AQP9: variants seen among roughly 807,000 people sequenced by gnomAD.
The protein encoded by AQP9 is aquaporin 9, also known as aquaporin-9.
In AQP9, 19 loss-of-function variants were observed where a neutral mutation model predicts 23.8. That is an observed-to-expected ratio of 0.80 (90% CI 0.56 to 1.17). The LOEUF is 1.17. Ranked by LOEUF, AQP9 falls within the 50% of genes most tolerant of loss-of-function variation. The pLI is 0.00. For synonymous variants in AQP9, 153 were observed against 131.5 expected, an observed-to-expected ratio of 1.16 and a Z score of -1.12; for missense variants, 413 against 362.0, an observed-to-expected ratio of 1.14 and a Z score of -1.14.
intron 1 of AQP9, among the ~76,000 whole-genome samples, chr15:58,145,969 G>C (rs1898037570): frequency 6.6e-6 from 1 of 152,104 alleles, no homozygotes; most frequent in Non-Finnish European, 1.5e-5. Context: ...CAATGCCTCT[G>C]TTATTGCTGT....
At chr15:58,154,261 G>T (rs1898203722) in intron 1 of AQP9, 1 of 152,066 alleles carries the variant, frequency 6.6e-6, no homozygotes, top group Non-Finnish European at 1.5e-5. Flanking sequence ...ATTTGATTAG[G>T]AAAGTCCATA....
Position 58,164,218 on chromosome 15 carries a change from C to T in AQP9, c.112-2455C>T, listed in dbSNP as rs576738301. On this transcript the variant is annotated intron_variant, in intron 1 of 5. Transcript: ENST00000219919. Reference sequence around the variant, plus strand: ...GAAGCCTCCACGGACCCACTTGAGCCATTTAAAGCTTTTATGTGCCCTCTA... The same window carrying T: ...GAAGCCTCCACGGACCCACTTGAGCTATTTAAAGCTTTTATGTGCCCTCTA... 3.9e-5 allele frequency: 6 copies of T among 152,248 alleles called. No homozygotes were observed. The South Asian group carries it at 1.2e-3, about 32-fold the overall frequency. The allele number at this position is 152,248 out of a possible 1,614,324, so 9.4% of individuals were successfully genotyped here. A position where few individuals can be genotyped will look rare whatever the true frequency, so the allele number is the denominator to read the frequency against.
chr15:58,172,866 G>A (rs1409405238), intron 2 of AQP9, among the ~76,000 whole-genome samples: 2 of 151,986 alleles, frequency 1.3e-5, no homozygotes, highest in Non-Finnish European at 2.9e-5. Context: ...TGTTATCCAA[G>A]GATGCCATGA....
intron 2 of AQP9, among the ~76,000 whole-genome samples, chr15:58,168,821 C>G (rs1595740094): frequency 6.6e-6 from 1 of 152,164 alleles, no homozygotes; most frequent in East Asian, 1.9e-4. Flanking sequence ...CTTAACTGCT[C>G]CCCCTATAAG....
rs1898820496 is a variant in AQP9, at chr15:58,179,064, A to AT, written c.496-60dup. ...TATTGTAAAATAGTAAGAAGGGATG[A>AT]TTTTGAGACATGCAGGTGAGCAGAA... On this transcript the variant is annotated intron_variant, in intron 4 of 5. Transcript: ENST00000219919. 2.0e-5 allele frequency: 24 copies of AT among 1,174,238 alleles called. No individual in the cohort carries two copies. In the South Asian group the frequency reaches 3.1e-4, roughly 15 times the overall value. 72.7% of individuals were successfully genotyped at this position (1,174,238 alleles called of 1,614,324 possible). A position where few individuals can be genotyped will look rare whatever the true frequency, so the allele number is the denominator to read the frequency against.
chr15:58,166,339 T>C (rs1898502155), intron 1 of AQP9, among the ~76,000 whole-genome samples: 1 of 152,212 alleles, frequency 6.6e-6, no homozygotes, highest in Admixed American at 6.5e-5. Context: ...TTTCTTACAA[T>C]ACATGTGGGT....
intron 1 of AQP9, among the ~76,000 whole-genome samples, chr15:58,143,105 G>A (rs1475760868): frequency 6.6e-6 from 1 of 152,206 alleles, no homozygotes; most frequent in African/African-American, 2.4e-5. Flanking sequence ...AACATCAGAG[G>A]ATGTCTACCG....
chr15:58,164,364 G>C (rs1471271872), intron 1 of AQP9, among the ~76,000 whole-genome samples: 4 of 152,176 alleles, frequency 2.6e-5, no homozygotes, highest in Admixed American at 2.6e-4. Flanking sequence ...GGTTGTCTAA[G>C]TCAAGTCATT....
intron 2 of AQP9, 41 bp from the exon 3 acceptor site, chr15:58,173,027 T>C: frequency 1.2e-6 from 2 of 1,612,410 alleles, no homozygotes; most frequent in South Asian, 1.1e-5. Flanking sequence ...TATATTCTTC[T>C]TCCTAACCTG....
intron 1 of AQP9, chr15:58,154,331 G>T (rs34326383): frequency 6.6e-6 from 1 of 151,862 alleles, no homozygotes; most frequent in South Asian, 2.1e-4. Flanking sequence ...GCCCCAAAAG[G>T]CCTAATGAAA....
intron 1 of AQP9, among the ~76,000 whole-genome samples, chr15:58,161,047 C>A (rs1033851446): frequency 6.6e-6 from 1 of 152,098 alleles, no homozygotes; most frequent in Non-Finnish European, 1.5e-5. Flanking sequence ...GCCCTGAGGA[C>A]CAGCTTGAGG....
rs1246130366 is a variant in AQP9, at chr15:58,155,003, G to A, written c.112-11670G>A. 2.6e-5 allele frequency: 4 copies of A among 152,280 alleles called. No homozygotes were observed. The East Asian group carries it at 5.8e-4, about 22-fold the overall frequency. 9.4% of individuals were successfully genotyped at this position (152,280 alleles called of 1,614,324 possible). On this transcript the variant is annotated intron_variant, in intron 1 of 5. Coordinates refer to ENST00000219919, the MANE Select transcript of AQP9 (RefSeq NM_020980.5). ...ACGCACCTGCTAATAAAAATTATTA[G>A]TCATTCATTCATTGATCTTCCCACA... is the stretch of plus-strand genomic sequence containing the variant.
At chr15:58,150,528 G>A (rs1898129329) in intron 1 of AQP9, 3 of 152,558 alleles carry the variant, frequency 2.0e-5, no homozygotes, top group African/African-American at 7.2e-5. Context: ...GATATAGTAA[G>A]ACTATTCTTA....
intron 1 of AQP9, among the ~76,000 whole-genome samples, chr15:58,157,938 C>G (rs1397513826): frequency 1.3e-5 from 2 of 152,104 alleles, no homozygotes; most frequent in Non-Finnish European, 2.9e-5. Context: ...TGACAAGGCA[C>G]AAGTGTTGTA....
At chr15:58,166,006 G>T (rs1399487497) in intron 1 of AQP9, among the ~76,000 whole-genome samples, 1 of 152,140 alleles carries the variant, frequency 6.6e-6, no homozygotes, top group Non-Finnish European at 1.5e-5. Context: ...TTGTTTTCTT[G>T]TACATCAGAC....
intron 3 of AQP9, 97 bp downstream of exon 3, chr15:58,173,302 G>C: frequency 6.5e-7 from 1 of 1,534,172 alleles, no homozygotes; most frequent in South Asian, 1.2e-5. Context: ...AGCAAGGACG[G>C]GAAGCATTCT....
In AQP9 at chr15:58,184,144, T is replaced by C. The variant is rs745867789; in HGVS notation, c.*9T>C. On this transcript the variant is annotated 3_prime_UTR_variant, in exon 6 of 6. Coordinates refer to ENST00000219919, the MANE Select transcript of AQP9 (RefSeq NM_020980.5). Reference sequence around the variant, plus strand: ...TCAGTGTCATCATGTAGTGGCATGCTCAGCTCTGGATTTGCAGTCAGTTTG... The same window carrying C: ...TCAGTGTCATCATGTAGTGGCATGCCCAGCTCTGGATTTGCAGTCAGTTTG... The C allele has an allele frequency of 6.2e-7, 1 of 1,612,502 alleles. No individual in the cohort carries two copies.
At chr15:58,138,370 G>T (rs1158970695), upstream of AQP9, 2 of 504,142 alleles carry the variant, frequency 4.0e-6, no homozygotes, top group Non-Finnish European at 7.2e-6. Flanking sequence ...AGCGAACAGG[G>T]AATGACAGTT....
At chr15:58,175,968 G>T (rs1009221264) in intron 4 of AQP9, among the ~76,000 whole-genome samples, 1 of 152,210 alleles carries the variant, frequency 6.6e-6, no homozygotes, top group Non-Finnish European at 1.5e-5. Context: ...GAGTTGTAAA[G>T]ATCCAAGATG....
Sources: gnomAD v4.1 joint callset for allele counts (sites outside exome capture counted in the v4.1 genomes callset) on GRCh38, gnomAD v4.1.1 for gene constraint, MANE v1.5 for transcripts, NCBI Gene and HGNC (gene_info 2026-07-23, HGNC 2026-07-21) for gene names.